PRKN: variants seen among roughly 807,000 people sequenced by gnomAD.
PRKN encodes the protein E3 ubiquitin-protein ligase parkin.
A neutral mutation model predicts 59.5 loss-of-function variants in PRKN; 56 were observed. The ratio of observed to expected loss-of-function variants is 0.94; its 90% CI spans 0.76 to 1.18. PRKN has a LOEUF of 1.18. PRKN is among the 50% of genes most tolerant of loss of function. The pLI is 0.00. For synonymous variants in PRKN, 250 were observed against 222.1 expected (o/e 1.13, Z -1.12); for missense variants, 657 against 596.4 (o/e 1.10, Z -1.06).
At chr6:161,524,693 A>G (rs1000367887) in intron 9 of PRKN, among the ~76,000 whole-genome samples, 2 of 152,162 alleles carry the variant, frequency 1.3e-5, no homozygotes, top group African/African-American at 2.4e-5. Context: ...CTGCTTGCAT[A>G]GCATATAATA....
intron 2 of PRKN, among the ~76,000 whole-genome samples, chr6:162,384,664 A>AAAAAC (rs1554311197): frequency 8.2e-6 from 1 of 122,064 alleles, no homozygotes; most frequent in African/African-American, 3.0e-5. Context: ...AAAAAAAAAC[A>AAAAAC]AAAAAAAAAA....
At chr6:162,663,829 T>C (rs1175872896) in intron 1 of PRKN, among the ~76,000 whole-genome samples, 1 of 152,046 alleles carries the variant, frequency 6.6e-6, no homozygotes, top group Non-Finnish European at 1.5e-5. Context: ...ATGGGGAGAA[T>C]GTAGCTGAAT....
At chr6:162,597,075 A>T (rs1470014378) in intron 1 of PRKN, among the ~76,000 whole-genome samples, 1 of 152,232 alleles carries the variant, frequency 6.6e-6, no homozygotes, top group Admixed American at 6.5e-5. Context: ...AACTAAAAAT[A>T]AACGAACCAT....
In PRKN at chr6:161,460,500, T is replaced by C. The variant is rs147804996; in HGVS notation, c.1084-73623A>G. 6.6e-5 allele frequency among the ~76,000 whole-genome samples: 10 copies of C among 152,284 alleles called. No individual in the cohort carries two copies. The East Asian group carries it at 1.9e-3, about 29-fold the overall frequency. On this transcript the variant is annotated intron_variant, in intron 9 of 11. Transcript: ENST00000366898. This position sits in a 1 kb window ranked among gnomAD's most constrained non-coding sequence, Gnocchi z 5.0. ...CAGGAAGGGCCAGGGGACACTTCTC[T>C]GAACCCCCGTGATCACTTGGGTTTG...
chr6:162,289,687 C>CAAA (rs376838845), intron 2 of PRKN, among the ~76,000 whole-genome samples: 1,702 of 141,824 alleles, frequency 0.012, 27 homozygotes, highest in Middle Eastern at 0.032. Context: ...GACACTGTCT[C>CAAA]AAAAAAAAAA....
At chr6:162,599,613 T>G (rs529196850) in intron 1 of PRKN, among the ~76,000 whole-genome samples, 1 of 152,240 alleles carries the variant, frequency 6.6e-6, no homozygotes, top group East Asian at 1.9e-4. Flanking sequence ...GCGTGGGTTA[T>G]TCAGTGACAG....
intron 1 of PRKN, among the ~76,000 whole-genome samples, chr6:162,661,344 A>C (rs966462807): frequency 3.1e-4 from 47 of 152,220 alleles, no homozygotes; most frequent in Non-Finnish European, 2.5e-4. Context: ...TTAAAGAACA[A>C]GTTTCTAATG....
intron 1 of PRKN, among the ~76,000 whole-genome samples, chr6:162,661,943 C>A (rs1778901140): frequency 6.6e-6 from 1 of 152,042 alleles, no homozygotes; most frequent in Non-Finnish European, 1.5e-5. Context: ...ACCACTGTAC[C>A]CAGTAGGTTT....
chr6:162,241,794 A>C (rs2128091856), intron 3 of PRKN, among the ~76,000 whole-genome samples: 1 of 152,262 alleles, frequency 6.6e-6, no homozygotes, highest in East Asian at 1.9e-4. Context: ...CATGAAACTC[A>C]GTGTTTTCTC....
rs973096065 is a variant in PRKN at position 161,461,399 on chromosome 6, T to C, written c.1084-74522A>G. Among the ~76,000 whole-genome samples the C allele has an allele frequency of 7.9e-5, 12 of 152,100 alleles. No individual in the cohort carries two copies. The highest frequency in any genetic ancestry group is 1.5e-5 in the Non-Finnish European group (1 of 68,012). On this transcript the variant is annotated intron_variant, in intron 9 of 11. Coordinates refer to ENST00000366898, the MANE Select transcript of PRKN (RefSeq NM_004562.3). The surrounding 1 kb of genome is among the most constrained non-coding windows in gnomAD (Gnocchi z 5.1). The stretch of plus-strand genomic sequence containing the variant: ...TTAAGGAGCTGAGGTTTTTAAGCTC[T>C]AGGGAATCACTTTATGGGGGGTGTT...
rs1179658821 is a variant in PRKN, at chr6:162,182,573, T to A, written c.534+18558A>T. On this transcript the variant is annotated intron_variant, in intron 4 of 11. Transcript: ENST00000366898. The stretch of plus-strand genomic sequence containing the variant: ...CCCAAGCATCATGCAAATCTAACAC[T>A]TCAGTCTGAAACATGGGATGGCAAG... Among the ~76,000 whole-genome samples, 3 of 152,236 alleles carry A rather than the reference T, an allele frequency of 2.0e-5. No individual in the cohort carries two copies. In the South Asian group the frequency reaches 6.2e-4, roughly 32 times the overall value.
At chr6:162,130,250 G>C (rs1781293832) in intron 4 of PRKN, among the ~76,000 whole-genome samples, 1 of 151,986 alleles carries the variant, frequency 6.6e-6, no homozygotes, top group Non-Finnish European at 1.5e-5. Flanking sequence ...TCTTGATACT[G>C]CTTCTTAAAT....
chr6:161,633,997 A>AACAC (rs141101298), intron 7 of PRKN, among the ~76,000 whole-genome samples: 25,725 of 141,880 alleles, frequency 0.18, 2,612 homozygotes, highest in Non-Finnish European at 0.23. Flanking sequence ...GGAAAACTTA[A>AACAC]ACACACACAC....
chr6:161,881,556 A>C (rs1340835506), intron 6 of PRKN, among the ~76,000 whole-genome samples: 1 of 152,168 alleles, frequency 6.6e-6, no homozygotes, highest in Non-Finnish European at 1.5e-5. Context: ...GCCAGGACAA[A>C]TGGGAAGAGC....
chr6:161,603,895 T>C (rs1427851676), intron 7 of PRKN, among the ~76,000 whole-genome samples: 1 of 152,184 alleles, frequency 6.6e-6, no homozygotes, highest in Non-Finnish European at 1.5e-5. Flanking sequence ...ATGGTCTGAA[T>C]GTTTATGTCT....
intron 1 of PRKN, among the ~76,000 whole-genome samples, chr6:162,549,744 T>C (rs1205769568): frequency 6.6e-6 from 1 of 151,772 alleles, no homozygotes; most frequent in Non-Finnish European, 1.5e-5. Context: ...GTTCAAGTGA[T>C]TCTCCTGCCT....
At chr6:162,166,147 A>G (rs947821275) in intron 4 of PRKN, among the ~76,000 whole-genome samples, 3 of 152,054 alleles carry the variant, frequency 2.0e-5, no homozygotes, top group African/African-American at 7.2e-5. Context: ...TCTATTCAAG[A>G]GAGTCAAAAC....
chr6:162,150,697 T>C (rs932894530), intron 4 of PRKN, among the ~76,000 whole-genome samples: 3 of 152,178 alleles, frequency 2.0e-5, no homozygotes, highest in Non-Finnish European at 4.4e-5. Flanking sequence ...CAGCTTTCCC[T>C]GCCAGCTTTT....
chr6:162,579,682 C>G (rs2128210915), intron 1 of PRKN, among the ~76,000 whole-genome samples: 1 of 149,612 alleles, frequency 6.7e-6, no homozygotes, highest in Admixed American at 6.7e-5. Context: ...CACAGATTCA[C>G]ACACACATAC....
Sources: allele counts gnomAD v4.1 joint callset (sites outside exome capture counted in the v4.1 genomes callset), GRCh38; gene constraint gnomAD v4.1.1; non-coding constraint Gnocchi (gnomAD v3.1); transcripts MANE v1.5; gene names NCBI Gene and HGNC (gene_info 2026-07-23, HGNC 2026-07-21).